Variants in SCLT1 observed in about 807,000 individuals in gnomAD.
SCLT1 encodes the protein sodium channel-associated protein 1.
A neutral mutation model predicts 112.8 loss-of-function variants in SCLT1; 78 were observed. That is an observed-to-expected ratio of 0.69 (90% CI 0.58 to 0.83). The LOEUF (loss-of-function observed/expected upper bound fraction) is 0.83, where lower values mean the gene tolerates loss of function less well. Among genes scored for constraint, SCLT1 ranks in the 40% least tolerant of loss-of-function variants. The pLI is 0.00. For synonymous variants in SCLT1, 257 were observed against 254.7 expected (o/e 1.01, Z -0.09); for missense variants, 747 against 770.4 (o/e 0.97, Z 0.36).
Position 128,928,677 on chromosome 4 carries a change from C to T in SCLT1, c.1829+7978G>A, listed in dbSNP as rs371306091. On this transcript the variant is annotated intron_variant, in intron 18 of 20. Transcript: ENST00000281142. Reference sequence around the variant, plus strand: ...TGAAACCCTATCTCTACTAAAAATACAAAAACTAACCAGGCGTGGTGGTGC... The same window carrying T: ...TGAAACCCTATCTCTACTAAAAATATAAAAACTAACCAGGCGTGGTGGTGC... Among the ~76,000 whole-genome samples, 12 of 152,098 alleles carry T rather than the reference C, an allele frequency of 7.9e-5. No homozygotes were observed. In the East Asian group the frequency reaches 2.3e-3, roughly 30 times the overall value.
intron 19 of SCLT1, among the ~76,000 whole-genome samples, chr4:128,890,560 GA>G (rs1458468170): frequency 1.3e-5 from 2 of 152,120 alleles, no homozygotes; most frequent in Non-Finnish European, 2.9e-5. Context: ...ATCAAATGAA[GA>G]GATCTAAAAA....
chr4:128,889,699 A>G (rs982827186), intron 19 of SCLT1, among the ~76,000 whole-genome samples: 27 of 152,246 alleles, frequency 1.8e-4, no homozygotes, highest in Non-Finnish European at 2.9e-4. Context: ...AAATTAAAAA[A>G]TGGATTAGCT....
chr4:128,892,818 G>A (rs1006580844), intron 18 of SCLT1, among the ~76,000 whole-genome samples: 20 of 152,174 alleles, frequency 1.3e-4, no homozygotes, highest in African/African-American at 4.8e-4. Context: ...TGAGGAGTTT[G>A]GGTATCTATC....
intron 2 of SCLT1, among the ~76,000 whole-genome samples, chr4:129,075,103 C>A (rs576076495): frequency 6.6e-6 from 1 of 152,228 alleles, no homozygotes; most frequent in South Asian, 2.1e-4. Context: ...TAAGCAAATT[C>A]TCTGGATACT....
At chr4:129,080,846 G>A (rs1751867871) in intron 2 of SCLT1, among the ~76,000 whole-genome samples, 1 of 152,132 alleles carries the variant, frequency 6.6e-6, no homozygotes, top group Non-Finnish European at 1.5e-5. Flanking sequence ...AGAAAAAAAG[G>A]TTTAGTTGGC....
chr4:128,914,841 CAAAT>C (rs1286357470), intron 18 of SCLT1, among the ~76,000 whole-genome samples: 1 of 152,076 alleles, frequency 6.6e-6, no homozygotes, highest in African/African-American at 2.4e-5. Context: ...CCCACACAAA[CAAAT>C]AATTTTCAGT....
At chr4:128,949,106 A>C (rs1011128830) in intron 14 of SCLT1, among the ~76,000 whole-genome samples, 1 of 152,222 alleles carries the variant, frequency 6.6e-6, no homozygotes, top group African/African-American at 2.4e-5. Context: ...TTAGATAATA[A>C]AATTTAACAT....
intron 13 of SCLT1, among the ~76,000 whole-genome samples, chr4:128,956,813 A>G (rs1739255523): frequency 6.6e-6 from 1 of 152,154 alleles, no homozygotes; most frequent in Non-Finnish European, 1.5e-5. Flanking sequence ...TATACAGTAT[A>G]TCCCACTATC....
rs1747445204 is a variant in SCLT1 at position 129,039,113 on chromosome 4, T to C, written c.235-17A>G. The C allele has an allele frequency of 1.3e-6, 2 of 1,572,830 alleles. No individual in the cohort carries two copies. Among genetic ancestry groups the C allele is most frequent in the African/African-American group, 1.3e-5 (1 of 74,124 alleles). On this transcript the variant is annotated splice_polypyrimidine_tract_variant and intron_variant, in intron 4 of 20. Coordinates refer to ENST00000281142, the MANE Select transcript of SCLT1 (RefSeq NM_144643.4). ...CACCTGTTTCTGAAAGAATAAAATA[T>C]GGTGTGGCAATACATTTTGCAGACA...
intron 4 of SCLT1, among the ~76,000 whole-genome samples, chr4:129,042,357 C>A (rs1029177026): frequency 6.6e-6 from 1 of 152,130 alleles, no homozygotes; most frequent in African/African-American, 2.4e-5. Flanking sequence ...ATACTCTAAA[C>A]ACGTAGCTCA....
At chr4:128,919,735 A>G (rs1431634289) in intron 18 of SCLT1, among the ~76,000 whole-genome samples, 1 of 142,036 alleles carries the variant, frequency 7.0e-6, no homozygotes, top group Non-Finnish European at 1.5e-5. Flanking sequence ...CCCCACAGAA[A>G]TACAAAAAAA....
chr4:128,972,267 A>C (rs1344429156), intron 9 of SCLT1: 2 of 152,146 alleles, frequency 1.3e-5, no homozygotes, highest in Non-Finnish European at 2.9e-5. Flanking sequence ...GAAAACTCTG[A>C]AAAAGCATAG....
At chr4:128,952,304 C>T (rs1289925265) in intron 14 of SCLT1, 1 of 456,056 alleles carries the variant, frequency 2.2e-6, no homozygotes, top group Admixed American at 2.4e-5. Context: ...AATTTCATTA[C>T]ATCAAATCTT....
chr4:128,970,188 G>A, intron 10 of SCLT1, among the ~76,000 whole-genome samples, 190 bp downstream of exon 10: 1 of 151,982 alleles, frequency 6.6e-6, no homozygotes, highest in East Asian at 1.9e-4. Context: ...TATAGAGAAT[G>A]GAAATAAAAA....
chr4:129,080,034 A>T (rs1434961936), intron 2 of SCLT1, among the ~76,000 whole-genome samples: 1 of 152,174 alleles, frequency 6.6e-6, no homozygotes, highest in Non-Finnish European at 1.5e-5. Flanking sequence ...GGGACCAGGG[A>T]GCAATGTCCT....
intron 2 of SCLT1, among the ~76,000 whole-genome samples, chr4:129,059,097 C>T (rs1380808129): frequency 6.6e-6 from 1 of 152,104 alleles, no homozygotes; most frequent in Non-Finnish European, 1.5e-5. Flanking sequence ...AGAATAGCCA[C>T]CTTTGTTTGG....
intron 9 of SCLT1, among the ~76,000 whole-genome samples, chr4:128,981,009 A>C (rs957432723): frequency 1.3e-5 from 2 of 152,194 alleles, no homozygotes; most frequent in African/African-American, 4.8e-5. Context: ...TAACTGACTC[A>C]CTCACTCAAA....
chr4:129,090,454 G>A (rs1482270613), intron 1 of SCLT1, among the ~76,000 whole-genome samples: 1 of 152,132 alleles, frequency 6.6e-6, no homozygotes, highest in Non-Finnish European at 1.5e-5. Context: ...AAATTTAACT[G>A]TATGAACCAT....
intron 11 of SCLT1, among the ~76,000 whole-genome samples, chr4:128,961,507 GTTA>G (rs1739727746): frequency 6.6e-6 from 1 of 151,740 alleles, no homozygotes; most frequent in Non-Finnish European, 1.5e-5. Context: ...AATTTTCTTT[GTTA>G]TTTGTTATTT....
Sources: allele counts gnomAD v4.1 joint callset (sites outside exome capture counted in the v4.1 genomes callset), GRCh38; gene constraint gnomAD v4.1.1; transcripts MANE v1.5; gene names NCBI Gene and HGNC (gene_info 2026-07-23, HGNC 2026-07-21).